LYPD6: variants seen among roughly 807,000 people sequenced by gnomAD.
LYPD6 encodes the protein LY6/PLAUR domain containing 6, also known as ly6/PLAUR domain-containing protein 6.
A neutral mutation model predicts 22.7 loss-of-function variants in LYPD6; 15 were observed. The observed-to-expected ratio is 0.66, with a 90% confidence interval of 0.44 to 1.02. The LOEUF is 1.02. Among genes scored for constraint, LYPD6 ranks in the 50% least tolerant of loss-of-function variants. LYPD6 has a pLI of 0.00. For synonymous variants in LYPD6, 72 were observed against 77.5 expected (o/e 0.93, Z 0.37); for missense variants, 189 against 208.4 (o/e 0.91, Z 0.57).
intron 1 of LYPD6, among the ~76,000 whole-genome samples, chr2:149,437,067 T>C (rs540983987): frequency 6.6e-6 from 1 of 152,320 alleles, no homozygotes; most frequent in African/African-American, 2.4e-5. Context: ...GGAGAATAAA[T>C]GGATATACAT....
At chr2:149,484,391 G>A in the LYPD6 span, among the ~76,000 whole-genome samples, 2 of 152,080 alleles carry the variant, frequency 1.3e-5, no homozygotes, top group South Asian at 2.1e-4. Flanking sequence ...ATGATGCCAC[G>A]GCTTCTGTCC....
chr2:149,355,730 C>T (rs770288972), intron 1 of LYPD6, among the ~76,000 whole-genome samples: 3 of 152,202 alleles, frequency 2.0e-5, no homozygotes, highest in African/African-American at 7.2e-5. Context: ...TCTCCTATTA[C>T]GTTCAAAGGT....
intron 1 of LYPD6, among the ~76,000 whole-genome samples, chr2:149,411,108 A>G (rs1682840669): frequency 6.6e-6 from 1 of 152,144 alleles, no homozygotes; most frequent in Admixed American, 6.5e-5. Context: ...CATCTAGGAA[A>G]CTGTTAGAAA....
intron 1 of LYPD6, among the ~76,000 whole-genome samples, chr2:149,356,579 CAGG>C (rs796777281): frequency 4.0e-4 from 61 of 152,232 alleles, no homozygotes; most frequent in African/African-American, 1.3e-3. Flanking sequence ...ATATTGTAGA[CAGG>C]AGGAGAATTT....
In LYPD6 at chr2:149,412,214, ACT is replaced by A. The variant is rs1440489800; in HGVS notation, c.-71-25419_-71-25418del. ...TAAATTAATTTGCTTTTCAAATGAG[ACT>A]CTCTTTTCCCATAGGATATTATCAA... On this transcript the variant is annotated intron_variant, in intron 1 of 4. Transcript: ENST00000334166. Among the ~76,000 whole-genome samples, 7 of 152,078 alleles carry A rather than the reference ACT, an allele frequency of 4.6e-5. No homozygotes were observed. In the East Asian group the frequency reaches 1.2e-3, roughly 25 times the overall value.
At chr2:149,404,714 A>G (rs970459863) in intron 1 of LYPD6, among the ~76,000 whole-genome samples, 2 of 152,150 alleles carry the variant, frequency 1.3e-5, no homozygotes, top group African/African-American at 4.8e-5. Context: ...TCGTATTTGA[A>G]TACCCTTTAT....
At chr2:149,371,562 T>TTG (rs1329072952) in intron 1 of LYPD6, among the ~76,000 whole-genome samples, 12 of 152,262 alleles carry the variant, frequency 7.9e-5, no homozygotes, top group Admixed American at 2.0e-4. Context: ...AGCAGGTTTT[T>TTG]TGTGTGTGTG....
At chr2:149,442,129 T>G (rs961973165) in intron 2 of LYPD6, among the ~76,000 whole-genome samples, 9 of 152,210 alleles carry the variant, frequency 5.9e-5, no homozygotes, top group Non-Finnish European at 1.5e-5. Flanking sequence ...AAAGATACAT[T>G]TATTAGATTT....
chr2:149,438,655 C>T (rs1204275433), intron 2 of LYPD6, among the ~76,000 whole-genome samples: 1 of 152,210 alleles, frequency 6.6e-6, no homozygotes, highest in Non-Finnish European at 1.5e-5. Context: ...TTGTGATAGG[C>T]TTGAAAGCAT....
intron 1 of LYPD6, among the ~76,000 whole-genome samples, chr2:149,435,387 T>C (rs1683407880): frequency 6.6e-6 from 1 of 152,234 alleles, no homozygotes; most frequent in African/African-American, 2.4e-5. Flanking sequence ...ACACACATAA[T>C]GTTCATTCCA....
At chr2:149,354,541 A>G (rs1204598750) in intron 1 of LYPD6, among the ~76,000 whole-genome samples, 2 of 152,148 alleles carry the variant, frequency 1.3e-5, no homozygotes, top group African/African-American at 4.8e-5. Flanking sequence ...CATTCAAAAC[A>G]GAGGCACAGA....
intron 1 of LYPD6, among the ~76,000 whole-genome samples, chr2:149,375,832 G>A (rs1336812392): frequency 6.6e-6 from 1 of 152,186 alleles, no homozygotes; most frequent in Admixed American, 6.6e-5. Context: ...GGGAAGCTGA[G>A]GACTGGGATA....
chr2:149,379,515 C>A (rs1682011561), intron 1 of LYPD6, among the ~76,000 whole-genome samples: 1 of 151,926 alleles, frequency 6.6e-6, no homozygotes, highest in Admixed American at 6.6e-5. Flanking sequence ...TGGGTTAGTT[C>A]CTATTAGATT....
At chr2:149,428,347 G>A (rs1187585237) in intron 1 of LYPD6, among the ~76,000 whole-genome samples, 1 of 152,160 alleles carries the variant, frequency 6.6e-6, no homozygotes, top group African/African-American at 2.4e-5. Flanking sequence ...TGGATATTAA[G>A]GCTTCTATAA....
chr2:149,330,730 G>C lies in LYPD6; in HGVS notation c.-72+8G>C, dbSNP rs1432818766. 1 of 152,362 alleles carries C rather than the reference G, an allele frequency of 6.6e-6. No individual in the cohort carries two copies. The highest frequency in any genetic ancestry group is 6.5e-5 in the Admixed American group (1 of 15,288). 9.4% of individuals were successfully genotyped at this position (152,362 alleles called of 1,614,324 possible). A position where few individuals can be genotyped will look rare whatever the true frequency, so the allele number is the denominator to read the frequency against. ...AATCCGCGCGCAGCCCGGGTGAGTA[G>C]AGGCGGGCTTCCCGGGAGAGCACAA... On this transcript the variant is annotated splice_region_variant and intron_variant, in intron 1 of 4. Coordinates refer to ENST00000334166, the MANE Select transcript of LYPD6 (RefSeq NM_194317.5).
chr2:149,385,826 G>C (rs1682171891), intron 1 of LYPD6, among the ~76,000 whole-genome samples: 1 of 152,172 alleles, frequency 6.6e-6, no homozygotes, highest in Non-Finnish European at 1.5e-5. Context: ...GGCAGAGAAG[G>C]AGAGAGGCAG....
At chr2:149,378,053 A>G (rs1314884756) in intron 1 of LYPD6, among the ~76,000 whole-genome samples, 4 of 152,016 alleles carry the variant, frequency 2.6e-5, no homozygotes, top group African/African-American at 9.7e-5. Flanking sequence ...TGTTTTACCT[A>G]TTCTTCAAAA....
chr2:149,383,779 G>C (rs1682121181), intron 1 of LYPD6, among the ~76,000 whole-genome samples: 1 of 152,138 alleles, frequency 6.6e-6, no homozygotes, highest in African/African-American at 2.4e-5. Flanking sequence ...AGTAACTGAT[G>C]ATATGTACTA....
chr2:149,429,793 G>T (rs916350623), intron 1 of LYPD6, among the ~76,000 whole-genome samples: 30 of 152,174 alleles, frequency 2.0e-4, no homozygotes, highest in Admixed American at 1.8e-3. Context: ...GAGCCCCTGG[G>T]GGTTGGCTGG....
Sources: allele counts gnomAD v4.1 joint callset (sites outside exome capture counted in the v4.1 genomes callset), GRCh38; gene constraint gnomAD v4.1.1; transcripts MANE v1.5; gene names NCBI Gene and HGNC (gene_info 2026-07-23, HGNC 2026-07-21).